Variants in MAPK4 observed in about 807,000 individuals in gnomAD.
MAPK4 encodes mitogen-activated protein kinase 4, also known as Erk3-related.
A neutral mutation model predicts 47.7 loss-of-function variants in MAPK4; 22 were observed. The observed-to-expected ratio is 0.46, with a 90% confidence interval of 0.33 to 0.66. The LOEUF (loss-of-function observed/expected upper bound fraction) is 0.66, where lower values mean the gene tolerates loss of function less well. MAPK4 is among the 30% of genes least tolerant of loss of function. MAPK4 has a pLI of 0.02. For synonymous variants in MAPK4, 390 were observed against 365.7 expected, an observed-to-expected ratio of 1.07 and a Z score of -0.76; for missense variants, 736 against 831.7, an observed-to-expected ratio of 0.88 and a Z score of 1.42.
At chr18:50,727,426 C>T (rs181781891) in intron 5 of MAPK4, among the ~76,000 whole-genome samples, 41 of 152,316 alleles carry the variant, frequency 2.7e-4, no homozygotes, top group Admixed American at 1.1e-3. Context: ...GCCAGGGCGA[C>T]GCTGCTATTT....
At chr18:50,721,671 G>C (rs191672438) in intron 3 of MAPK4, among the ~76,000 whole-genome samples, 3 of 152,340 alleles carry the variant, frequency 2.0e-5, no homozygotes, top group East Asian at 3.9e-4. Context: ...CAGCTGGTCT[G>C]AGACACAGAA....
At chr18:50,660,651 AG>A (rs1274071987) in intron 1 of MAPK4, among the ~76,000 whole-genome samples, 1 of 152,208 alleles carries the variant, frequency 6.6e-6, no homozygotes, top group Non-Finnish European at 1.5e-5. Flanking sequence ...AGTTTAGAAA[AG>A]GGAGACATGT....
At chr18:50,588,803 G>A (rs1363852147) in intron 1 of MAPK4, among the ~76,000 whole-genome samples, 1 of 152,112 alleles carries the variant, frequency 6.6e-6, no homozygotes, top group African/African-American at 2.4e-5. Flanking sequence ...AGATCCACCT[G>A]CTTCAGCCTC....
intron 5 of MAPK4, among the ~76,000 whole-genome samples, 199 bp downstream of exon 5, chr18:50,726,374 G>C (rs1304600222): frequency 2.0e-5 from 3 of 152,078 alleles, no homozygotes; most frequent in Non-Finnish European, 4.4e-5. Context: ...GTGTGGGTCA[G>C]AGGCCTTCCT....
At chr18:50,650,374 T>A (rs1224452146) in intron 1 of MAPK4, among the ~76,000 whole-genome samples, 1 of 150,164 alleles carries the variant, frequency 6.7e-6, no homozygotes, top group East Asian at 2.0e-4. Context: ...TAGCTCCTCC[T>A]GTTTGTCCCT....
At chr18:50,601,112 A>AG (rs986375988) in intron 1 of MAPK4, among the ~76,000 whole-genome samples, 16 of 147,736 alleles carry the variant, frequency 1.1e-4, no homozygotes, top group East Asian at 4.0e-4. Flanking sequence ...AAAAAAAAAA[A>AG]AAGAAGAAGA....
At chr18:50,607,249 G>A (rs1293877571) in intron 1 of MAPK4, among the ~76,000 whole-genome samples, 2 of 152,114 alleles carry the variant, frequency 1.3e-5, no homozygotes, top group African/African-American at 2.4e-5. Context: ...CACGACATGA[G>A]TACTGTGATT....
intron 1 of MAPK4, among the ~76,000 whole-genome samples, chr18:50,643,617 T>C (rs2042960781): frequency 6.6e-6 from 1 of 152,208 alleles, no homozygotes; most frequent in Non-Finnish European, 1.5e-5. Context: ...GAACTGCCAC[T>C]TGAGGCTTAA....
At chr18:50,564,770 A>G (rs555684837) in intron 1 of MAPK4, among the ~76,000 whole-genome samples, 1 of 152,318 alleles carries the variant, frequency 6.6e-6, no homozygotes, top group South Asian at 2.1e-4. Context: ...AACTGTGGGT[A>G]GCAGAACCGC....
At chr18:50,570,475 C>T (rs2042239941) in intron 1 of MAPK4, among the ~76,000 whole-genome samples, 1 of 152,184 alleles carries the variant, frequency 6.6e-6, no homozygotes, top group South Asian at 2.1e-4. Flanking sequence ...TCTCTTTCAG[C>T]AGCTTTTAAG....
chr18:50,569,468 G>T (rs1301921362), intron 1 of MAPK4, among the ~76,000 whole-genome samples: 1 of 152,084 alleles, frequency 6.6e-6, no homozygotes, highest in African/African-American at 2.4e-5. Flanking sequence ...CAATTTTGGG[G>T]CTTCAGATTT....
intron 2 of MAPK4, among the ~76,000 whole-genome samples, chr18:50,670,778 A>G (rs1907899197): frequency 6.9e-6 from 1 of 144,880 alleles, no homozygotes; most frequent in Non-Finnish European, 1.5e-5. Flanking sequence ...AAAAAAAATC[A>G]ACTAGTGTAG....
chr18:50,609,126 A>G (rs1298071432), intron 1 of MAPK4, among the ~76,000 whole-genome samples: 1 of 152,092 alleles, frequency 6.6e-6, no homozygotes, highest in African/African-American at 2.4e-5. Context: ...ACGTCTTTCT[A>G]CACAGACAGC....
intron 2 of MAPK4, among the ~76,000 whole-genome samples, chr18:50,700,854 G>A (rs990177387): frequency 6.6e-6 from 1 of 152,138 alleles, no homozygotes; most frequent in African/African-American, 2.4e-5. Context: ...GTGGGTTTTG[G>A]CCCTTGGTAA....
intron 1 of MAPK4, among the ~76,000 whole-genome samples, chr18:50,641,884 A>G (rs1568058274): frequency 1.3e-5 from 2 of 152,220 alleles, no homozygotes; most frequent in Admixed American, 6.5e-5. Flanking sequence ...TAAGTGTTCA[A>G]TAACTGTTAG....
At chr18:50,726,532 C>T (rs570059400) in intron 5 of MAPK4, among the ~76,000 whole-genome samples, 6 of 152,004 alleles carry the variant, frequency 3.9e-5, no homozygotes, top group East Asian at 1.9e-4. Flanking sequence ...TGCAACAAGG[C>T]GAGGCAAAAA....
At chr18:50,692,463 G>T (rs146020116) in intron 2 of MAPK4, among the ~76,000 whole-genome samples, 4 of 152,256 alleles carry the variant, frequency 2.6e-5, no homozygotes, top group African/African-American at 9.6e-5. Flanking sequence ...GACGAGCCCT[G>T]GTTCTGTTCC....
intron 2 of MAPK4, chr18:50,669,527 T>C (rs1335885561): frequency 6.6e-6 from 1 of 152,212 alleles, no homozygotes; most frequent in Non-Finnish European, 1.5e-5. Context: ...GCACTTATTT[T>C]ACCCTGGGCT....
intron 2 of MAPK4, among the ~76,000 whole-genome samples, chr18:50,684,657 ACCCATTCATTAACTACAG>A (rs1908770187): frequency 1.3e-5 from 2 of 151,918 alleles, no homozygotes; most frequent in South Asian, 4.2e-4. Context: ...TGTGGCTTGG[ACCCATTCATTAACTACAG>A]CAGCTGCCAC....
Sources: allele counts gnomAD v4.1 joint callset (sites outside exome capture counted in the v4.1 genomes callset), GRCh38; gene constraint gnomAD v4.1.1; transcripts MANE v1.5; gene names NCBI Gene and HGNC (gene_info 2026-07-23, HGNC 2026-07-21).